PAQR5: variants seen among roughly 807,000 people sequenced by gnomAD.
PAQR5 encodes the protein membrane progestin receptor gamma.
A neutral mutation model predicts 34.5 loss-of-function variants in PAQR5; 20 were observed. The ratio of observed to expected loss-of-function variants is 0.58; its 90% CI spans 0.41 to 0.84. PAQR5 has a LOEUF of 0.84. Among genes scored for constraint, PAQR5 ranks in the 40% least tolerant of loss-of-function variants. PAQR5 has a pLI of 0.00. For synonymous variants in PAQR5, 131 were observed against 155.6 expected (o/e 0.84, Z 1.18); for missense variants, 378 against 412.7 (o/e 0.92, Z 0.73).
At chr15:69,378,277 A>AAG (rs2055769506) in intron 3 of PAQR5, among the ~76,000 whole-genome samples, 1 of 147,078 alleles carries the variant, frequency 6.8e-6, no homozygotes, top group Admixed American at 6.8e-5. Context: ...AAAAAAAAAA[A>AAG]AAAAAAAAAA....
chr15:69,347,481 T>G (rs1172542130), intron 2 of PAQR5, among the ~76,000 whole-genome samples: 2 of 152,174 alleles, frequency 1.3e-5, no homozygotes, highest in East Asian at 1.9e-4. Flanking sequence ...ATTTTCTTTC[T>G]CAAAGGGAGG....
intron 3 of PAQR5, 31 bp from the exon 4 acceptor site, chr15:69,379,850 TCA>T: frequency 5.0e-6 from 8 of 1,607,638 alleles, no homozygotes; most frequent in Non-Finnish European, 6.8e-6. Flanking sequence ...CCCTCTGGTC[TCA>T]CCTCAGTGTC....
intron 3 of PAQR5, among the ~76,000 whole-genome samples, chr15:69,364,413 A>AAAAAC (rs148375221): frequency 0.046 from 6,703 of 145,320 alleles, 367 homozygotes; most frequent in African/African-American, 0.11. Flanking sequence ...TTCTGTCTCC[A>AAAAAC]AAAACAAAAC....
chr15:69,323,003 G>A (rs2054163874), intron 1 of PAQR5, among the ~76,000 whole-genome samples: 1 of 140,204 alleles, frequency 7.1e-6, no homozygotes, highest in Non-Finnish European at 1.5e-5. Context: ...GTGGGAGGTG[G>A]GGCTGGGGGA....
In PAQR5 at chr15:69,389,737, G is replaced by A. The variant is rs1016734627; in HGVS notation, c.469G>A (p.Val157Ile). ...TFHDYYVALA[V>I]LNTILSTGLS... ...CCATGACTACTACGTGGCCCTGGCT[G>A]TACTGAACACCATCCTCAGCACAGG... Residue 157 changes from valine (V) to isoleucine (I), a missense_variant, in exon 6 of 9, where the codon GTA becomes ATA. By Grantham distance (29) the Val-to-Ile change is conservative (BLOSUM62 3). Transcript: ENST00000395407. 10 of 1,614,202 alleles carry A rather than the reference G, an allele frequency of 6.2e-6. No homozygotes were observed. Among genetic ancestry groups the A allele is most frequent in the Non-Finnish European group, 3.4e-6 (4 of 1,180,028 alleles).
chr15:69,380,551 G>A (rs190773134), intron 4 of PAQR5, among the ~76,000 whole-genome samples: 121 of 152,326 alleles, frequency 7.9e-4, no homozygotes, highest in African/African-American at 2.8e-3. Flanking sequence ...CAGGCAGCCT[G>A]TAGATGGAGC....
At chr15:69,399,837 C>A in intron 7 of PAQR5, 137 bp from the exon 8 acceptor site, 1 of 808,612 alleles carries the variant, frequency 1.2e-6, no homozygotes, top group Non-Finnish European at 2.0e-6. Flanking sequence ...AGGGCCTTGG[C>A]CTCTGGAGTT....
At chr15:69,393,933 C>A (rs903449772) in intron 6 of PAQR5, among the ~76,000 whole-genome samples, 1 of 152,102 alleles carries the variant, frequency 6.6e-6, no homozygotes, top group Non-Finnish European at 1.5e-5. Context: ...TGAGAGAATG[C>A]GTGCCCTCTT....
chr15:69,354,153 G>A (rs1422405756), intron 2 of PAQR5, among the ~76,000 whole-genome samples: 1 of 152,144 alleles, frequency 6.6e-6, no homozygotes, highest in Non-Finnish European at 1.5e-5. Flanking sequence ...TAAGGTTTAG[G>A]CCAACCCACT....
At chr15:69,330,561 G>A (rs2054355138) in intron 1 of PAQR5, among the ~76,000 whole-genome samples, 1 of 152,084 alleles carries the variant, frequency 6.6e-6, no homozygotes, top group African/African-American at 2.4e-5. Context: ...CCAGATCAAT[G>A]AACTGGCTCC....
intron 3 of PAQR5, among the ~76,000 whole-genome samples, chr15:69,376,401 A>T (rs956441488): frequency 4.6e-5 from 7 of 152,216 alleles, no homozygotes; most frequent in Non-Finnish European, 1.5e-5. Context: ...CACTTTGCTA[A>T]GGCTAGAGTG....
At chr15:69,366,753 G>A (rs1014235729) in intron 3 of PAQR5, among the ~76,000 whole-genome samples, 33 of 152,032 alleles carry the variant, frequency 2.2e-4, no homozygotes, top group Non-Finnish European at 7.4e-5. Context: ...TGTTCTACTT[G>A]ATCTATGCAT....
rs763819349 is a variant in PAQR5 at position 69,389,635 on chromosome 15, G to C, written c.386-19G>C. The C allele has an allele frequency of 1.5e-5, 24 of 1,613,952 alleles. No homozygotes were observed. The African/African-American group carries it at 3.1e-4, about 21-fold the overall frequency. Reference sequence around the variant, plus strand: ...GCCAAGGCCTGGCTCCTCTCCCAAGGCTGGCTTTTCTTCCCCAGGCTCAGC... The same window carrying C: ...GCCAAGGCCTGGCTCCTCTCCCAAGCCTGGCTTTTCTTCCCCAGGCTCAGC... On this transcript the variant is annotated intron_variant, in intron 5 of 8. Transcript: ENST00000395407.
intron 1 of PAQR5, among the ~76,000 whole-genome samples, chr15:69,317,600 A>G (rs868635117): frequency 2.6e-5 from 4 of 152,122 alleles, no homozygotes; most frequent in African/African-American, 9.7e-5. Flanking sequence ...ACAGCTTTAT[A>G]GATTTACAAT....
chr15:69,386,074 CCA>C (rs1422554943), intron 5 of PAQR5, among the ~76,000 whole-genome samples: 5 of 151,458 alleles, frequency 3.3e-5, no homozygotes, highest in Non-Finnish European at 5.9e-5. Flanking sequence ...CTCAGACCCT[CCA>C]CACACACTCA....
chr15:69,324,979 A>G (rs114623465), intron 1 of PAQR5, among the ~76,000 whole-genome samples: 274 of 150,540 alleles, frequency 1.8e-3, no homozygotes, highest in African/African-American at 6.2e-3. Flanking sequence ...GCACATTACA[A>G]TCTCTTCCTC....
At chr15:69,384,923 G>C in intron 5 of PAQR5, 41 bp downstream of exon 5, 1 of 1,509,616 alleles carries the variant, frequency 6.6e-7, no homozygotes, top group Non-Finnish European at 9.1e-7. Flanking sequence ...CCCTGCAACC[G>C]GGCTGTTTGC....
chr15:69,355,035 G>A (rs1217943891), intron 2 of PAQR5, among the ~76,000 whole-genome samples: 2 of 152,124 alleles, frequency 1.3e-5, no homozygotes, highest in Non-Finnish European at 2.9e-5. Flanking sequence ...CTCATTCTGA[G>A]GCTGTAGGAC....
chr15:69,399,899 G>C, intron 7 of PAQR5, 75 bp from the exon 8 acceptor site: 1 of 1,476,124 alleles, frequency 6.8e-7, no homozygotes, highest in Non-Finnish European at 9.2e-7. Context: ...AGTCCCAGAT[G>C]CAGGTGCTGA....
Sources: allele counts gnomAD v4.1 joint callset (sites outside exome capture counted in the v4.1 genomes callset), GRCh38; gene constraint gnomAD v4.1.1; transcripts MANE v1.5; gene names NCBI Gene and HGNC (gene_info 2026-07-23, HGNC 2026-07-21).